SLC8A3: variants seen among roughly 807,000 people sequenced by gnomAD.
The protein encoded by SLC8A3 is solute carrier family 8 member A3, also known as sodium/calcium exchanger 3.
A neutral mutation model predicts 65.4 loss-of-function variants in SLC8A3; 37 were observed. That is an observed-to-expected ratio of 0.57 (90% CI 0.44 to 0.74). SLC8A3 has a LOEUF of 0.74. SLC8A3 is among the 30% of genes least tolerant of loss of function. The pLI, the probability that SLC8A3 is intolerant of heterozygous loss-of-function variation, is 0.00. For synonymous variants in SLC8A3, 461 were observed against 444.5 expected (o/e 1.04, Z -0.47); for missense variants, 1,112 against 1,172.1 (o/e 0.95, Z 0.75).
intron 2 of SLC8A3, among the ~76,000 whole-genome samples, chr14:70,159,753 T>C (rs1316235507): frequency 6.6e-6 from 1 of 151,464 alleles, no homozygotes; most frequent in African/African-American, 2.4e-5. Flanking sequence ...CCCTTATTAT[T>C]GTTGCCTGAA....
At chr14:70,129,093 C>T (rs1287323265) in intron 2 of SLC8A3, among the ~76,000 whole-genome samples, 3 of 152,192 alleles carry the variant, frequency 2.0e-5, no homozygotes, top group Non-Finnish European at 4.4e-5. Flanking sequence ...TTTTCCTATA[C>T]AGGGTAGACC....
chr14:70,182,584 C>A (rs1230741201), intron 1 of SLC8A3, among the ~76,000 whole-genome samples: 1 of 151,968 alleles, frequency 6.6e-6, no homozygotes, highest in Non-Finnish European at 1.5e-5. Flanking sequence ...GGACAGCGGG[C>A]AGCTCTTTGG....
At chr14:70,120,946 C>G (rs1894012406) in intron 2 of SLC8A3, among the ~76,000 whole-genome samples, 1 of 152,044 alleles carries the variant, frequency 6.6e-6, no homozygotes, top group African/African-American at 2.4e-5. Context: ...TCTATACGGC[C>G]ATTTCTAGGC....
At chr14:70,053,952 T>G (rs956495740) in intron 3 of SLC8A3, among the ~76,000 whole-genome samples, 2 of 152,250 alleles carry the variant, frequency 1.3e-5, no homozygotes, top group Non-Finnish European at 2.9e-5. Context: ...TTGAGAGAAT[T>G]ATAAGTCTTC....
chr14:70,138,113 T>C (rs4899328), intron 2 of SLC8A3, among the ~76,000 whole-genome samples: 151,030 of 152,256 alleles, frequency 0.99, 74,915 homozygotes, highest in East Asian at 1. Context: ...ACACTGACAG[T>C]GTAACCCTTG....
intron 6 of SLC8A3, 122 bp downstream of exon 6, chr14:70,048,645 T>A: frequency 1.1e-6 from 1 of 877,248 alleles, no homozygotes; most frequent in South Asian, 1.4e-5. Flanking sequence ...TTGTGCACTT[T>A]AAGGGCAGAG....
chr14:70,157,965 A>G (rs1357275689), intron 2 of SLC8A3, among the ~76,000 whole-genome samples: 2 of 152,218 alleles, frequency 1.3e-5, no homozygotes, highest in Non-Finnish European at 2.9e-5. Flanking sequence ...CAGAGAATAG[A>G]CTGAAAGCAA....
At chr14:70,075,305 TTC>T (rs1311022627) in intron 2 of SLC8A3, among the ~76,000 whole-genome samples, 2 of 152,174 alleles carry the variant, frequency 1.3e-5, no homozygotes, top group Non-Finnish European at 1.5e-5. Context: ...GCCCTTCCTT[TTC>T]TCTCTCACCA....
Position 70,177,893 on chromosome 14 carries a change from C to T in SLC8A3, c.-62-9409G>A, listed in dbSNP as rs562354795. On this transcript the variant is annotated intron_variant, in intron 1 of 6. Coordinates refer to ENST00000356921, the MANE Select transcript of SLC8A3 (RefSeq NM_182932.3). ...GTGAATGAAAGCGGGGCAAGACTGG[C>T]GGCAGGAAGACCAGTCCAGACTCTC... Among the ~76,000 whole-genome samples, 29 of 152,176 alleles carry T rather than the reference C, an allele frequency of 1.9e-4. No individual in the cohort carries two copies. In the South Asian group the frequency reaches 2.5e-3, roughly 13 times the overall value.
At chr14:70,181,763 T>C (rs1330875352) in intron 1 of SLC8A3, among the ~76,000 whole-genome samples, 1 of 152,168 alleles carries the variant, frequency 6.6e-6, no homozygotes, top group Non-Finnish European at 1.5e-5. Context: ...GGAATGCCCT[T>C]CAAAGTTTTT....
chr14:70,067,257 C>G (rs1265938901), intron 2 of SLC8A3, among the ~76,000 whole-genome samples: 1 of 152,244 alleles, frequency 6.6e-6, no homozygotes, highest in African/African-American at 2.4e-5. Flanking sequence ...TTCGGAGAGG[C>G]CTTCCATGGC....
chr14:70,157,804 G>T (rs965488719), intron 2 of SLC8A3, among the ~76,000 whole-genome samples: 4 of 152,164 alleles, frequency 2.6e-5, no homozygotes, highest in African/African-American at 9.7e-5. Flanking sequence ...CATAGTGAAG[G>T]CAAAAAGAGC....
chr14:70,055,612 C>T (rs1888017910), intron 3 of SLC8A3, among the ~76,000 whole-genome samples: 1 of 152,290 alleles, frequency 6.6e-6, no homozygotes, highest in South Asian at 2.1e-4. Flanking sequence ...GAATTGCCTT[C>T]CTCACAATTG....
intron 2 of SLC8A3, among the ~76,000 whole-genome samples, chr14:70,088,677 T>C (rs1365964170): frequency 6.6e-6 from 1 of 152,188 alleles, no homozygotes. Flanking sequence ...CCCTGAGCAT[T>C]ATCATCACCT....
At chr14:70,144,738 T>C (rs1895821032) in intron 2 of SLC8A3, among the ~76,000 whole-genome samples, 1 of 152,198 alleles carries the variant, frequency 6.6e-6, no homozygotes, top group Non-Finnish European at 1.5e-5. Flanking sequence ...CTTTTCATGA[T>C]ATTTAACAGT....
intron 2 of SLC8A3, among the ~76,000 whole-genome samples, chr14:70,083,843 C>T (rs1891234371): frequency 6.6e-6 from 1 of 152,200 alleles, no homozygotes. Context: ...CTATTCCTCT[C>T]TGTCTTTGAG....
chr14:70,176,927 C>T lies in SLC8A3; in HGVS notation c.-62-8443G>A, dbSNP rs1897943356. 3.3e-5 allele frequency among the ~76,000 whole-genome samples: 5 copies of T among 152,360 alleles called. No homozygotes were observed. The South Asian group carries it at 8.3e-4, about 25-fold the overall frequency. ...AGCTTAGGTCTACTTCTTCACACTTCCTCATGGCCTCTTTGTTCATTCACT... is the reference window on the plus strand; with the variant it reads ...AGCTTAGGTCTACTTCTTCACACTTTCTCATGGCCTCTTTGTTCATTCACT... On this transcript the variant is annotated intron_variant, in intron 1 of 6. Coordinates refer to ENST00000356921, the MANE Select transcript of SLC8A3 (RefSeq NM_182932.3).
intron 2 of SLC8A3, among the ~76,000 whole-genome samples, chr14:70,118,846 A>C (rs1464943747): frequency 6.6e-6 from 1 of 152,180 alleles, no homozygotes; most frequent in Non-Finnish European, 1.5e-5. Context: ...ACACACAAAC[A>C]CACACAATTG....
At chr14:70,160,121 A>G (rs1896799511) in intron 2 of SLC8A3, among the ~76,000 whole-genome samples, 1 of 152,258 alleles carries the variant, frequency 6.6e-6, no homozygotes, top group Non-Finnish European at 1.5e-5. Flanking sequence ...ACATTGTATT[A>G]GGTATTATAA....
Sources: gnomAD v4.1 joint callset for allele counts (sites outside exome capture counted in the v4.1 genomes callset) on GRCh38, gnomAD v4.1.1 for gene constraint, MANE v1.5 for transcripts, NCBI Gene and HGNC (gene_info 2026-07-23, HGNC 2026-07-21) for gene names.